Variants in FOXRED2 observed in about 807,000 individuals in gnomAD.
FOXRED2 encodes FAD dependent oxidoreductase domain containing 2.
FOXRED2 carries 32 observed loss-of-function variants against 52.5 expected under a neutral mutation model. The ratio of observed to expected loss-of-function variants is 0.61; its 90% CI spans 0.46 to 0.82. The LOEUF (loss-of-function observed/expected upper bound fraction) is 0.82, where lower values mean the gene tolerates loss of function less well. FOXRED2 is among the 40% of genes least tolerant of loss of function. The pLI is 0.00. For missense variants in FOXRED2, 848 were observed against 937.5 expected (o/e 0.90, Z 1.25); for synonymous variants, 405 against 398.1 (o/e 1.02, Z -0.21).
intron 3 of FOXRED2, 52 bp from the exon 4 acceptor site, chr22:36,504,419 T>C (rs1380355437): frequency 6.2e-7 from 1 of 1,608,950 alleles, no homozygotes; most frequent in Admixed American, 1.7e-5. Context: ...AGCTGGGCAG[T>C]GCAGCTGGGG....
intron 3 of FOXRED2, 36 bp from the exon 4 acceptor site, chr22:36,504,403 G>C (rs751332015): frequency 6.2e-7 from 1 of 1,611,208 alleles, no homozygotes; most frequent in Non-Finnish European, 8.5e-7. Flanking sequence ...GAGAGACTCA[G>C]AGGAAAGCTG....
chr22:36,492,168 G>C (rs1428925996), intron 8 of FOXRED2, among the ~76,000 whole-genome samples: 1 of 152,200 alleles, frequency 6.6e-6, no homozygotes, highest in Admixed American at 6.6e-5. Flanking sequence ...GAGCAGATGA[G>C]GAAGAGGACA....
At chr22:36,495,876 A>G in intron 7 of FOXRED2, 91 bp downstream of exon 7, 1 of 1,415,336 alleles carries the variant, frequency 7.1e-7, no homozygotes, top group Non-Finnish European at 9.8e-7. Context: ...TCAGCTGAGC[A>G]TGTGTGTGAA....
At position 36,487,329 on chromosome 22, in the gene FOXRED2, A is replaced by G. The variant is rs962679065; in HGVS notation, c.*2679T>C. 6.6e-6 allele frequency: 1 copy of G among 152,108 alleles called. No homozygotes were observed. The highest frequency in any genetic ancestry group is 1.5e-5 in the Non-Finnish European group (1 of 68,050). 9.4% of individuals were successfully genotyped at this position (152,108 alleles called of 1,614,324 possible). On this transcript the variant is annotated 3_prime_UTR_variant, in exon 9 of 9. Coordinates refer to ENST00000397224, the MANE Select transcript of FOXRED2 (RefSeq NM_001102371.2). The stretch of plus-strand genomic sequence containing the variant: ...CCCCCTACTGCTGTGTTGTTCCCCT[A>G]TGGGCTAGGGTTGGACCGCACAATC...
rs1313186796 is a variant in FOXRED2, at chr22:36,507,000, C to G, written c.-2+9G>C. The stretch of plus-strand genomic sequence containing the variant: ...CCGCCTCCGACCGAACCCTGAGAAA[C>G]GCGCGAACCTCCCAGCCGCTCCGGC... On this transcript the variant is annotated intron_variant, in intron 1 of 8. Transcript: ENST00000397224. 6.6e-6 allele frequency: 1 copy of G among 152,364 alleles called. No individual in the cohort carries two copies. Among genetic ancestry groups the G allele is most frequent in the Non-Finnish European group, 1.5e-5 (1 of 68,142 alleles). The allele number at this position is 152,364 out of a possible 1,614,324, so 9.4% of individuals were successfully genotyped here. A position where few individuals can be genotyped will look rare whatever the true frequency, so the allele number is the denominator to read the frequency against.
chr22:36,504,851 C>CA, intron 2 of FOXRED2, 85 bp from the exon 3 acceptor site: 1 of 1,460,372 alleles, frequency 6.8e-7, no homozygotes. Context: ...CCCACCCACC[C>CA]ACCTGCCTGG....
chr22:36,506,484 C>A, intron 1 of FOXRED2, 61 bp from the exon 2 acceptor site: 1 of 1,396,672 alleles, frequency 7.2e-7, no homozygotes, highest in South Asian at 1.6e-5. Context: ...GACACGAGGC[C>A]CAGAAAGAGG....
In FOXRED2 at chr22:36,501,487, T is replaced by C. The variant is rs1934046719; in HGVS notation, c.1050-80A>G. On this transcript the variant is annotated intron_variant, in intron 4 of 8. Coordinates refer to ENST00000397224, the MANE Select transcript of FOXRED2 (RefSeq NM_001102371.2). The stretch of plus-strand genomic sequence containing the variant: ...TTATTTAGTTAGTTTTGAGATGGAG[T>C]TTCGCTCTTGTCGCCCAGGTTAGAG... 5 of 1,439,924 alleles carry C rather than the reference T, an allele frequency of 3.5e-6. No homozygotes were observed. The Admixed American group carries it at 8.9e-5, about 26-fold the overall frequency. 89.2% of individuals were successfully genotyped at this position (1,439,924 alleles called of 1,614,324 possible). A position where few individuals can be genotyped will look rare whatever the true frequency, so the allele number is the denominator to read the frequency against.
chr22:36,493,015 G>A (rs1933796030), intron 8 of FOXRED2, among the ~76,000 whole-genome samples: 1 of 152,200 alleles, frequency 6.6e-6, no homozygotes, highest in Admixed American at 6.5e-5. Context: ...TTGGCTCCCA[G>A]CTTCCCTACT....
chr22:36,497,088 G>A (rs1268661457), intron 6 of FOXRED2, among the ~76,000 whole-genome samples: 2 of 152,184 alleles, frequency 1.3e-5, no homozygotes, highest in Non-Finnish European at 1.5e-5. Flanking sequence ...GCTGAGACAC[G>A]AGAATCGCTT....
chr22:36,489,891 G>C lies in FOXRED2; in HGVS notation c.*117C>G, dbSNP rs763488270. On this transcript the variant is annotated 3_prime_UTR_variant, in exon 9 of 9. Transcript: ENST00000397224. ...TTTGCTGCAGACACTGCCATGATCT[G>C]AGTGGTCTTTGGCAATCACGCATTG... is the stretch of plus-strand genomic sequence containing the variant. The C allele has an allele frequency of 8.4e-5, 92 of 1,097,066 alleles. 1 individual carries two copies. Among genetic ancestry groups the C allele is most frequent in the Admixed American group, 2.1e-4 (7 of 33,482 alleles). 68.0% of individuals were successfully genotyped at this position (1,097,066 alleles called of 1,614,324 possible).
At position 36,503,346 on chromosome 22, in the gene FOXRED2, G is replaced by A. The variant is rs566553837; in HGVS notation, c.1049+752C>T. 6.9e-5 allele frequency among the ~76,000 whole-genome samples: 10 copies of A among 145,382 alleles called. No homozygotes were observed. The East Asian group carries it at 1.4e-3, about 21-fold the overall frequency. ...TTTTTTTTTTTGAGATAAGAGTCTC[G>A]TCACCCAGGCTGGAGTGCAGTGGTG... On this transcript the variant is annotated intron_variant, in intron 4 of 8. Coordinates refer to ENST00000397224, the MANE Select transcript of FOXRED2 (RefSeq NM_001102371.2).
Position 36,504,207 on chromosome 22 carries a change from C to T in FOXRED2, c.940G>A (p.Asp314Asn), listed in dbSNP as rs148321546. The T allele has an allele frequency of 1.6e-5, 26 of 1,614,056 alleles. No individual in the cohort carries two copies. In the African/African-American group the frequency reaches 2.5e-4, roughly 16 times the overall value. ...LEEANTNQSA[D>N]SITLPQDDND... ...TCGTCCTGGGGGAGGGTGATGGAGT[C>T]GGCACTCTGGTTGGTGTTGGCTTCT... Residue 314 changes from aspartate to asparagine, a missense_variant, in exon 4 of 9, where the codon GAC becomes AAC. Transcript: ENST00000397224.
rs1421048963 is a variant in FOXRED2 at position 36,498,127 on chromosome 22, G to A, written c.1246C>T (p.Arg416Cys). ...VRAVHRLLEH[R>C]HHSVTWPATE... is the part of the protein sequence containing the mutation. ...GCGGGCCAGGTGACGCTGTGGTGGCGGTGCTCCAGGAGCCGGTGAACAGCA... is the reference window on the plus strand; with the variant it reads ...GCGGGCCAGGTGACGCTGTGGTGGCAGTGCTCCAGGAGCCGGTGAACAGCA... The change falls in exon 6 of 9, where the codon CGC (arginine) becomes TGC (cysteine). Residue 416 changes from arginine to cysteine, a missense_variant. Arg to Cys is a radical substitution (Grantham distance 180). Transcript: ENST00000397224. 6.2e-6 allele frequency: 10 copies of A among 1,612,140 alleles called. No individual in the cohort carries two copies. Among genetic ancestry groups the A allele is most frequent in the South Asian group, 1.1e-5 (1 of 91,030 alleles).
Position 36,490,082 on chromosome 22 carries a change from G to C in FOXRED2, c.1981C>G (p.Gln661Glu). 2 of 1,613,638 alleles carry C rather than the reference G, an allele frequency of 1.2e-6. No homozygotes were observed. Among genetic ancestry groups the C allele is most frequent in the Non-Finnish European group, 8.5e-7 (1 of 1,179,624 alleles). ...GCCAGGGGGGAACCTAGTGGCTCTT[G>C]GTCGCCAAGCTGCTGGCTGCTGTCC... ...LEDSSQQLGD[Q>E]EPLGSPLAPG... The change falls in exon 9 of 9, where the codon CAA (glutamine) becomes GAA (glutamate). Residue 661 changes from glutamine (Q) to glutamate (E), a missense_variant. Transcript: ENST00000397224.
chr22:36,502,184 C>CAAAA, intron 4 of FOXRED2, among the ~76,000 whole-genome samples: 1 of 150,310 alleles, frequency 6.7e-6, no homozygotes, highest in African/African-American at 2.5e-5. Context: ...AACAAACAAA[C>CAAAA]AAACAAACAA....
rs753286782 is a variant in FOXRED2, at chr22:36,504,570, G to C, written c.724C>G (p.Leu242Val). 9 of 1,614,192 alleles carry C rather than the reference G, an allele frequency of 5.6e-6. No individual in the cohort carries two copies. In the East Asian group the frequency reaches 2.0e-4, roughly 36 times the overall value. ...GACAGACGGACCCGGGAGCGGCTGAGCATATGGATAAAGTTTGTGACACCC... is the reference window on the plus strand; with the variant it reads ...GACAGACGGACCCGGGAGCGGCTGACCATATGGATAAAGTTTGTGACACCC... ...ILGVTNFIHM[L>V]SRSRVRLSWA... is the part of the protein sequence containing the mutation. The change falls in exon 3 of 9, where the codon CTC becomes GTC. Residue 242 changes from leucine to valine, a missense_variant. By Grantham distance (32) the Leu-to-Val change is conservative (BLOSUM62 1). Coordinates refer to ENST00000397224, the MANE Select transcript of FOXRED2 (RefSeq NM_001102371.2).
At chr22:36,493,870 C>T (rs1417735265) in intron 7 of FOXRED2, 67 bp from the exon 8 acceptor site, 10 of 1,421,132 alleles carry the variant, frequency 7.0e-6, no homozygotes, top group Non-Finnish European at 9.8e-6. Context: ...CGGGCCGACA[C>T]AGCACGGATC....
At position 36,493,785 on chromosome 22, in the gene FOXRED2, C is replaced by G; in HGVS notation, c.1643G>C (p.Arg548Pro). 1 of 1,614,144 alleles carries G rather than the reference C, an allele frequency of 6.2e-7. No individual in the cohort carries two copies. The highest frequency in any genetic ancestry group is 1.1e-5 in the South Asian group (1 of 91,070). The change falls in exon 8 of 9, where the codon CGC becomes CCC. Residue 548 changes from arginine (R) to proline (P), a missense_variant. Transcript: ENST00000397224. ...YLPTEQEVRFRPAHWPLPRPT... is the reference protein window; with the variant it reads ...YLPTEQEVRFPPAHWPLPRPT... ...CCGAGGCAGGGGCCAGTGTGCAGGGCGGAACCTCACCTCCTGTTCTGTGGG... is the reference window on the plus strand; with the variant it reads ...CCGAGGCAGGGGCCAGTGTGCAGGGGGGAACCTCACCTCCTGTTCTGTGGG...
Sources: allele counts gnomAD v4.1 joint callset (sites outside exome capture counted in the v4.1 genomes callset), GRCh38; gene constraint gnomAD v4.1.1; transcripts MANE v1.5; gene names NCBI Gene and HGNC (gene_info 2026-07-23, HGNC 2026-07-21).